The following EP400 variants were observed in gnomAD, a reference collection of about 807,000 sequenced individuals.
The protein encoded by EP400 is E1A-binding protein p400.
Under a neutral mutation model 354.1 loss-of-function variants are expected in EP400, and 105 were observed. The observed-to-expected ratio is 0.30, with a 90% confidence interval of 0.25 to 0.35. The LOEUF (loss-of-function observed/expected upper bound fraction) is 0.35, where lower values mean the gene tolerates loss of function less well. Ranked by LOEUF, EP400 falls within the 10% of genes least tolerant of loss-of-function variation. EP400 has a pLI of 1.00. For missense variants in EP400, 3,280 were observed against 4,121.0 expected (o/e 0.80, Z 5.59); for synonymous variants, 1,646 against 1,716.9 (o/e 0.96, Z 1.02).
intron 35 of EP400, 53 bp downstream of exon 35, chr12:132,044,364 G>A: frequency 1.3e-6 from 2 of 1,579,232 alleles, no homozygotes; most frequent in African/African-American, 1.3e-5. Context: ...AGGGGCACTT[G>A]TGCAGCCATG....
rs1895420819 is a variant in EP400 at position 132,054,652 on chromosome 12, G to T, written c.7729-322G>T. The stretch of plus-strand genomic sequence containing the variant: ...TATGGGGGCCAGAAAGCTCAGTGTG[G>T]CTGGACTCAGGTGGTGAGGGACAGA... On this transcript the variant is annotated intron_variant, in intron 43 of 52. Transcript: ENST00000389561. The surrounding 1 kb of genome is among the most constrained non-coding windows in gnomAD (Gnocchi z 4.0). Among the ~76,000 whole-genome samples the T allele has an allele frequency of 6.6e-6, 1 of 152,190 alleles. No individual in the cohort carries two copies. Among genetic ancestry groups the T allele is most frequent in the African/African-American group, 2.4e-5 (1 of 41,434 alleles).
At chr12:132,020,893 A>G (rs1894101416) in intron 22 of EP400, among the ~76,000 whole-genome samples, 186 bp from the exon 23 acceptor site, 1 of 152,272 alleles carries the variant, frequency 6.6e-6, no homozygotes, top group Admixed American at 6.5e-5. Context: ...ATAATTATCA[A>G]CAAGTAAAAT....
intron 41 of EP400, 30 bp from the exon 42 acceptor site, chr12:132,053,116 A>T (rs1895360572): frequency 6.2e-7 from 1 of 1,612,926 alleles, no homozygotes; most frequent in East Asian, 2.2e-5. Flanking sequence ...ACTTGCCTGT[A>T]TGTTTTTAAC....
Position 131,981,514 on chromosome 12 carries a change from A to G in EP400, c.1461A>G (p.Glu487=). The G allele has an allele frequency of 6.3e-7, 1 of 1,591,036 alleles. No homozygotes were observed. Among genetic ancestry groups the G allele is most frequent in the Non-Finnish European group, 8.6e-7 (1 of 1,168,532 alleles). Residue 487 remains glutamate (E), a synonymous_variant, in exon 4 of 53, where the codon GAA becomes GAG. Coordinates refer to ENST00000389561, the MANE Select transcript of EP400 (RefSeq NM_015409.5). ...AGCAGTCTAAGAGGCCTCGCCTTGA[A>G]GTGGGTCACCAAGGGGTAGTTTTCC... ...MAEQSKRPRL[E]VGHQGVVFQH... is the part of the protein sequence containing the mutation.
rs1896050179 is a variant in EP400, at chr12:132,070,995, A to G, written c.9021+1354A>G. ...TCGTATACAGTTGTATCACCTGTAA[A>G]TCATGACGATCTACTTCTCCCATCT... On this transcript the variant is annotated intron_variant, in intron 51 of 52. Coordinates refer to ENST00000389561, the MANE Select transcript of EP400 (RefSeq NM_015409.5). This position sits in a 1 kb window ranked among gnomAD's most constrained non-coding sequence, Gnocchi z 4.1. Among the ~76,000 whole-genome samples, 1 of 152,196 alleles carries G rather than the reference A, an allele frequency of 6.6e-6. No individual in the cohort carries two copies.
At chr12:132,030,949 G>T (rs993805934) in intron 29 of EP400, among the ~76,000 whole-genome samples, 14 of 152,198 alleles carry the variant, frequency 9.2e-5, no homozygotes, top group African/African-American at 3.4e-4. Context: ...CCAAGTTGCT[G>T]CCCTGTAAGT....
chr12:132,027,322 A>C lies in EP400; in HGVS notation c.5015-115A>C, dbSNP rs1703510280. On this transcript the variant is annotated intron_variant, in intron 25 of 52. Coordinates refer to ENST00000389561, the MANE Select transcript of EP400 (RefSeq NM_015409.5). This position sits in a 1 kb window ranked among gnomAD's most constrained non-coding sequence, Gnocchi z 4.9. ...GGACTTGGGGACATGCCGTTGCAGAATGACTTTCTGTGGAGTGTGCTGGTG... is the reference window on the plus strand; with the variant it reads ...GGACTTGGGGACATGCCGTTGCAGACTGACTTTCTGTGGAGTGTGCTGGTG... The C allele has an allele frequency of 9.8e-7, 1 of 1,022,996 alleles. No individual in the cohort carries two copies. Among genetic ancestry groups the C allele is most frequent in the Non-Finnish European group, 1.5e-6 (1 of 661,526 alleles). 63.4% of individuals were successfully genotyped at this position (1,022,996 alleles called of 1,614,324 possible).
intron 51 of EP400, among the ~76,000 whole-genome samples, chr12:132,073,919 GTTTTTT>G (rs34186152): frequency 8.5e-5 from 7 of 82,124 alleles, no homozygotes; most frequent in East Asian, 3.3e-4. Context: ...GTTTTTTGGG[GTTTTTT>G]TTTTTTTTTT....
chr12:132,044,629 C>A, intron 35 of EP400, 42 bp from the exon 36 acceptor site: 1 of 1,613,234 alleles, frequency 6.2e-7, no homozygotes, highest in Non-Finnish European at 8.5e-7. Flanking sequence ...TAACATGACA[C>A]TGAGACTTGG....
intron 2 of EP400, among the ~76,000 whole-genome samples, chr12:131,978,674 AT>A (rs1195982168): frequency 6.6e-6 from 1 of 151,784 alleles, no homozygotes; most frequent in Non-Finnish European, 1.5e-5. Flanking sequence ...CCTGGCTAAC[AT>A]TTTAATTTTT....
intron 7 of EP400, 112 bp from the exon 8 acceptor site, chr12:131,989,852 C>T: frequency 8.1e-7 from 1 of 1,232,162 alleles, no homozygotes; most frequent in South Asian, 1.4e-5. Context: ...ATGTATATGA[C>T]AGTGAATTGT....
chr12:132,047,361 A>T (rs1311881272), intron 39 of EP400, among the ~76,000 whole-genome samples: 1 of 152,198 alleles, frequency 6.6e-6, no homozygotes, highest in Non-Finnish European at 1.5e-5. Context: ...GTATTGGGGG[A>T]ACCTGCCCCC....
chr12:132,028,445 C>T (rs1282154653), intron 27 of EP400, among the ~76,000 whole-genome samples, 157 bp downstream of exon 27: 1 of 152,208 alleles, frequency 6.6e-6, no homozygotes, highest in African/African-American at 2.4e-5. Flanking sequence ...AGGTCTTCAG[C>T]TTTGGGATCA....
chr12:131,995,466 A>C (rs1194226272), intron 12 of EP400, among the ~76,000 whole-genome samples: 1 of 149,594 alleles, frequency 6.7e-6, no homozygotes, highest in Non-Finnish European at 1.5e-5. Context: ...GTTCATCTTG[A>C]GTGTGTGAGA....
intron 1 of EP400, among the ~76,000 whole-genome samples, chr12:131,956,418 T>C (rs1284638869): frequency 6.6e-6 from 1 of 152,240 alleles, no homozygotes; most frequent in Non-Finnish European, 1.5e-5. Context: ...TTATTACTTA[T>C]TTTCCATCTA....
At chr12:131,996,833 G>A (rs999900829) in intron 12 of EP400, among the ~76,000 whole-genome samples, 2 of 152,048 alleles carry the variant, frequency 1.3e-5, no homozygotes, top group African/African-American at 4.8e-5. Flanking sequence ...TTATTGACTT[G>A]TTGGTGATGG....
At chr12:132,021,457 C>A (rs1159388008) in intron 23 of EP400, 136 bp downstream of exon 23, 12 of 1,275,738 alleles carry the variant, frequency 9.4e-6, no homozygotes, top group South Asian at 1.6e-5. Context: ...TGCTGCCTCT[C>A]ACCAGTGCAG....
Position 132,064,801 on chromosome 12 carries a change from G to T in EP400, c.8468G>T (p.Ser2823Ile), listed in dbSNP as rs1895835384. The T allele has an allele frequency of 1.2e-6, 2 of 1,612,788 alleles. No homozygotes were observed. Among genetic ancestry groups the T allele is most frequent in the Non-Finnish European group, 1.7e-6 (2 of 1,179,856 alleles). Residue 2823 changes from serine to isoleucine, a missense_variant, in exon 48 of 53, where the codon AGC becomes ATC. By Grantham distance (142) the Ser-to-Ile change is moderately radical (BLOSUM62 -2). This residue lies in a region of EP400 where 86 missense variants were observed against 66.4 expected (regional missense o/e 1.29). Transcript: ENST00000389561. Reference sequence around the variant, plus strand: ...ACCTCGCAGCCGCCGCAGCAGCAGAGCCCCCAGCTCACGACGGTCACGGCC... The same window carrying T: ...ACCTCGCAGCCGCCGCAGCAGCAGATCCCCCAGCTCACGACGGTCACGGCC... Reference protein sequence around the residue: ...VQTSQPPQQQSPQLTTVTAPR... With the variant: ...VQTSQPPQQQIPQLTTVTAPR...
chr12:131,992,735 C>T (rs6598186), intron 11 of EP400, among the ~76,000 whole-genome samples: 140,523 of 152,160 alleles, frequency 0.92, 65,045 homozygotes, highest in East Asian at 1. Flanking sequence ...TCCTCAGGAG[C>T]AGACTGGATT....
Sources: allele counts gnomAD v4.1 joint callset (sites outside exome capture counted in the v4.1 genomes callset), GRCh38; gene constraint gnomAD v4.1.1; regional missense constraint gnomAD v4.1.1; non-coding constraint Gnocchi (gnomAD v3.1); transcripts MANE v1.5; gene names NCBI Gene and HGNC (gene_info 2026-07-23, HGNC 2026-07-21).